Variants in SLC39A11 observed in about 807,000 individuals in gnomAD.
SLC39A11 encodes the protein zinc transporter ZIP11.
SLC39A11 carries 33 observed loss-of-function variants against 36.1 expected under a neutral mutation model. That is an observed-to-expected ratio of 0.91 (90% CI 0.69 to 1.22). The LOEUF (loss-of-function observed/expected upper bound fraction) is 1.22, where lower values mean the gene tolerates loss of function less well. SLC39A11 is among the 50% of genes most tolerant of loss of function. SLC39A11 has a pLI of 0.00. For missense variants in SLC39A11, 432 were observed against 430.3 expected (o/e 1.00, Z -0.03); for synonymous variants, 166 against 170.3 (o/e 0.97, Z 0.20).
intron 4 of SLC39A11, among the ~76,000 whole-genome samples, chr17:72,989,526 G>C (rs2089015583): frequency 6.6e-6 from 1 of 152,148 alleles, no homozygotes; most frequent in South Asian, 2.1e-4. Flanking sequence ...ATCTAGTCTT[G>C]TATCTGTTTT....
At chr17:73,036,168 C>G (rs928772345) in intron 3 of SLC39A11, among the ~76,000 whole-genome samples, 3 of 152,174 alleles carry the variant, frequency 2.0e-5, no homozygotes, top group Admixed American at 2.0e-4. Context: ...TGTTTTAAGC[C>G]ACTACATTCA....
intron 4 of SLC39A11, among the ~76,000 whole-genome samples, chr17:72,949,676 G>A (rs531166992): frequency 9.9e-5 from 15 of 151,788 alleles, no homozygotes; most frequent in South Asian, 4.2e-4. Context: ...ATCACCCAAA[G>A]GTCCCACCTC....
At chr17:73,090,822 A>T (rs2060899179) in intron 1 of SLC39A11, among the ~76,000 whole-genome samples, 2 of 151,998 alleles carry the variant, frequency 1.3e-5, no homozygotes, top group South Asian at 4.1e-4. Context: ...ATATCTGAGC[A>T]CCCTCCTGAG....
chr17:72,970,503 G>A (rs1041141018), intron 4 of SLC39A11, among the ~76,000 whole-genome samples: 1 of 152,196 alleles, frequency 6.6e-6, no homozygotes, highest in African/African-American at 2.4e-5. Flanking sequence ...CAGAGAGGCA[G>A]GGAAGCAAAG....
rs80301618 is a variant in SLC39A11, at chr17:72,926,332, G to A, written c.430+21420C>T. 7.8e-3 allele frequency among the ~76,000 whole-genome samples: 1,192 copies of A among 152,214 alleles called. 6 individuals are homozygous for A. The highest frequency in any genetic ancestry group is 0.013 in the Non-Finnish European group (891 of 68,008). On this transcript the variant is annotated intron_variant, in intron 5 of 9. Transcript: ENST00000255559. ...CTGTAGCCTCTCACCTAACCTTGTT[G>A]GCTCCAGAGACCAAAAGAAAGTCAG...
In SLC39A11 at chr17:72,763,808, A is replaced by G. The variant is rs150764118; in HGVS notation, c.602-27089T>C. 5.7e-3 allele frequency among the ~76,000 whole-genome samples: 862 copies of G among 152,332 alleles called. 11 individuals are homozygous for G. Among genetic ancestry groups the G allele is most frequent in the African/African-American group, 0.02 (825 of 41,560 alleles). ...GACCAGCTTCACTTGAAGGAGCCAG[A>G]AAGGGCTTCATGGAAAAACTGAGTT... On this transcript the variant is annotated intron_variant, in intron 6 of 9. Coordinates refer to ENST00000255559, the MANE Select transcript of SLC39A11 (RefSeq NM_139177.4).
intron 4 of SLC39A11, among the ~76,000 whole-genome samples, chr17:73,007,879 G>T (rs1033816993): frequency 6.6e-6 from 1 of 152,198 alleles, no homozygotes; most frequent in Admixed American, 6.5e-5. Flanking sequence ...GAGGCATGTG[G>T]ATCACCTGAG....
At chr17:72,698,459 C>CAAAAAAAAA (rs61454778) in intron 7 of SLC39A11, among the ~76,000 whole-genome samples, 6 of 93,000 alleles carry the variant, frequency 6.5e-5, no homozygotes, top group Non-Finnish European at 1.0e-4. Flanking sequence ...TAATAAAAAC[C>CAAAAAAAAA]AAAAAAAAAA....
chr17:72,971,336 A>ACACACACACTCT (rs1555657685), intron 4 of SLC39A11, among the ~76,000 whole-genome samples: 1 of 143,410 alleles, frequency 7.0e-6, no homozygotes, highest in Admixed American at 7.0e-5. Context: ...ACACACACAC[A>ACACACACACTCT]CTCTCTCTCT....
chr17:72,943,115 T>C (rs891593654), intron 5 of SLC39A11, among the ~76,000 whole-genome samples: 6 of 151,890 alleles, frequency 4.0e-5, no homozygotes, highest in Non-Finnish European at 5.9e-5. Context: ...GAAGAGAGAG[T>C]GTCTTGAGGT....
chr17:73,086,524 C>A (rs1185624510), intron 2 of SLC39A11, among the ~76,000 whole-genome samples: 10 of 152,118 alleles, frequency 6.6e-5, no homozygotes, highest in Non-Finnish European at 1.5e-5. Flanking sequence ...TTTCACCTTA[C>A]AAAATTAAAA....
chr17:73,058,071 G>T (rs907766298), intron 3 of SLC39A11, among the ~76,000 whole-genome samples: 33 of 149,920 alleles, frequency 2.2e-4, no homozygotes, highest in African/African-American at 7.9e-4. Flanking sequence ...CATTTGTGGG[G>T]TGTGTCCCTC....
intron 6 of SLC39A11, among the ~76,000 whole-genome samples, chr17:72,824,528 G>A (rs1323206660): frequency 6.6e-6 from 1 of 151,322 alleles, no homozygotes; most frequent in Non-Finnish European, 1.5e-5. Flanking sequence ...TTTGGAACTG[G>A]GTAAAAGGCA....
At chr17:73,046,684 A>C (rs2059303576) in intron 3 of SLC39A11, among the ~76,000 whole-genome samples, 1 of 151,980 alleles carries the variant, frequency 6.6e-6, no homozygotes, top group African/African-American at 2.4e-5. Context: ...ACAGTGACTC[A>C]CACCCCCAGC....
intron 5 of SLC39A11, among the ~76,000 whole-genome samples, chr17:72,921,371 T>G (rs1022424528): frequency 1.3e-5 from 2 of 152,170 alleles, no homozygotes; most frequent in Non-Finnish European, 2.9e-5. Context: ...ATGGGACTAG[T>G]AGGGTGAACA....
intron 3 of SLC39A11, among the ~76,000 whole-genome samples, chr17:73,052,340 G>A (rs552367500): frequency 2.0e-5 from 3 of 152,010 alleles, no homozygotes; most frequent in African/African-American, 4.8e-5. Flanking sequence ...GGAAGACTAA[G>A]AGAGTTTTCA....
chr17:72,689,491 A>G (rs1362049810), intron 7 of SLC39A11, among the ~76,000 whole-genome samples: 1 of 152,214 alleles, frequency 6.6e-6, no homozygotes, highest in Non-Finnish European at 1.5e-5. Context: ...ACACTTGCAC[A>G]CACCTGTTCA....
chr17:72,861,656 A>ATT (rs1159502284), intron 5 of SLC39A11, among the ~76,000 whole-genome samples: 23 of 28,910 alleles, frequency 8.0e-4, no homozygotes, highest in African/African-American at 4.7e-3. Flanking sequence ...TATACAACAC[A>ATT]TTATATATAT....
intron 4 of SLC39A11, among the ~76,000 whole-genome samples, chr17:72,957,679 C>T (rs943505165): frequency 3.3e-5 from 5 of 152,126 alleles, no homozygotes; most frequent in East Asian, 1.9e-4. Flanking sequence ...ATCAGCCAGG[C>T]GTGGTAGTGC....
Sources: gnomAD v4.1 joint callset for allele counts (sites outside exome capture counted in the v4.1 genomes callset) on GRCh38, gnomAD v4.1.1 for gene constraint, MANE v1.5 for transcripts, NCBI Gene and HGNC (gene_info 2026-07-23, HGNC 2026-07-21) for gene names.